The following ATP2A3 variants were observed in gnomAD, a reference collection of about 807,000 sequenced individuals.
ATP2A3 encodes ATPase sarcoplasmic/endoplasmic reticulum Ca2+ transporting 3.
A neutral mutation model predicts 106.8 loss-of-function variants in ATP2A3; 61 were observed. The ratio of observed to expected loss-of-function variants is 0.57; its 90% CI spans 0.46 to 0.71. ATP2A3 has a LOEUF of 0.71. Among genes scored for constraint, ATP2A3 ranks in the 30% least tolerant of loss-of-function variants. The pLI is 0.00. For synonymous variants in ATP2A3, 611 were observed against 609.3 expected (o/e 1.00, Z -0.04); for missense variants, 1,201 against 1,423.5 (o/e 0.84, Z 2.52).
At chr17:3,952,811 C>CA (rs2054527433) in intron 3 of ATP2A3, among the ~76,000 whole-genome samples, 1 of 152,164 alleles carries the variant, frequency 6.6e-6, no homozygotes, top group African/African-American at 2.4e-5. Flanking sequence ...ATGCTGGTCT[C>CA]AAACTCCTGG....
intron 1 of ATP2A3, among the ~76,000 whole-genome samples, chr17:3,957,873 C>A (rs148605867): frequency 2.6e-3 from 390 of 152,348 alleles, no homozygotes; most frequent in Non-Finnish European, 4.4e-3. Context: ...GGGGCAGAGA[C>A]AGGACCAGGA....
rs1026237083 is a variant in ATP2A3 at position 3,926,726 on chromosome 17, C to T, written c.2981-1285G>A. 1.7e-5 allele frequency: 7 copies of T among 403,036 alleles called. No homozygotes were observed. Among genetic ancestry groups the T allele is most frequent in the Non-Finnish European group, 2.3e-5 (7 of 297,902 alleles). 25.0% of individuals were successfully genotyped at this position (403,036 alleles called of 1,614,324 possible). A position where few individuals can be genotyped will look rare whatever the true frequency, so the allele number is the denominator to read the frequency against. On this transcript the variant is annotated intron_variant, in intron 20 of 20. Coordinates refer to ENST00000397041, the MANE Select transcript of ATP2A3 (RefSeq NM_005173.4). This position sits in a 1 kb window ranked among gnomAD's most constrained non-coding sequence, Gnocchi z 4.6. Reference sequence around the variant, plus strand: ...CTGGGATTATAGGCACCTGCCACCACGCCCAGCTAATTTTTGTATCTTTAG... The same window carrying T: ...CTGGGATTATAGGCACCTGCCACCATGCCCAGCTAATTTTTGTATCTTTAG...
chr17:3,951,479 G>A (rs1193744938), intron 4 of ATP2A3, 90 bp from the exon 5 acceptor site: 3 of 1,599,208 alleles, frequency 1.9e-6, no homozygotes, highest in East Asian at 2.3e-5. Context: ...CTGGGATGGA[G>A]GTGGAAGCAG....
Position 3,925,201 on chromosome 17 carries a change from A to T in ATP2A3, c.*221T>A, listed in dbSNP as rs1597549515. 5 of 684,842 alleles carry T rather than the reference A, an allele frequency of 7.3e-6. No individual in the cohort carries two copies. The highest frequency in any genetic ancestry group is 9.9e-6 in the Non-Finnish European group (4 of 402,506). The allele number at this position is 684,842 out of a possible 1,614,324, so 42.4% of individuals were successfully genotyped here. ...AGCAGGGAACTTCCCAGGAGAGTCC[A>T]GGAGACAGGAATTACAGACCTCCCA... On this transcript the variant is annotated 3_prime_UTR_variant, in exon 21 of 21. Coordinates refer to ENST00000397041, the MANE Select transcript of ATP2A3 (RefSeq NM_005173.4). This position sits in a 1 kb window ranked among gnomAD's most constrained non-coding sequence, Gnocchi z 4.2.
chr17:3,951,558 G>GCCCCC, intron 4 of ATP2A3, 23 bp downstream of exon 4: 13 of 716,170 alleles, frequency 1.8e-5, no homozygotes, highest in Non-Finnish European at 2.6e-5. Context: ...CCCCCGCCCG[G>GCCCCC]TCCCACCCCC....
rs201673065 is a variant in ATP2A3, at chr17:3,947,649, G to C, written c.837C>G (p.Phe279Leu). 3.7e-6 allele frequency: 6 copies of C among 1,612,296 alleles called. No homozygotes were observed. Among genetic ancestry groups the C allele is most frequent in the Non-Finnish European group, 5.1e-6 (6 of 1,179,872 alleles). ...AGGAGCCACCGTGGGCCGGGTCGGC[G>C]AAGTGGCCGATGTTGATGACCCACA... ...VAVWVINIGH[F>L]ADPAHGGSWL... The change falls in exon 8 of 21, where the codon TTC becomes TTG. Residue 279 changes from phenylalanine to leucine, a missense_variant. By Grantham distance (22) the Phe-to-Leu change is conservative. Transcript: ENST00000397041. This position sits in a 1 kb window ranked among gnomAD's most constrained non-coding sequence, Gnocchi z 7.7.
chr17:3,958,869 T>TACAC (rs1555566985), intron 1 of ATP2A3, among the ~76,000 whole-genome samples: 6 of 77,444 alleles, frequency 7.7e-5, no homozygotes, highest in Admixed American at 4.0e-4. Flanking sequence ...TATATATATA[T>TACAC]ACACACACAC....
Position 3,936,721 on chromosome 17 carries a change from TACACACACACACACACACAC to T in ATP2A3, c.2322-272_2322-253del, listed in dbSNP as rs57648128. 39 of 408,356 alleles carry T rather than the reference TACACACACACACACACACAC, an allele frequency of 9.6e-5. No homozygotes were observed. The highest frequency in any genetic ancestry group is 1.4e-4 in the Non-Finnish European group (30 of 217,074). 25.3% of individuals were successfully genotyped at this position (408,356 alleles called of 1,614,324 possible). Reference sequence around the variant, plus strand: ...CTCTTTAGGCCTAGCAGAGGCCAAGTACACACACACACACACACACACACACACACACACGCACACGAAGA... The same window carrying T: ...CTCTTTAGGCCTAGCAGAGGCCAAGTACACACACACACACGCACACGAAGA... On this transcript the variant is annotated intron_variant, in intron 15 of 20. Transcript: ENST00000397041. This position sits in a 1 kb window ranked among gnomAD's most constrained non-coding sequence, Gnocchi z 5.4.
Position 3,937,269 on chromosome 17 carries a change from C to A in ATP2A3, c.2321+147G>T, listed in dbSNP as rs929184643. ...GACAAGAGGTGCTCTCCCCTGTCCACTCCAAGGTGGGACCCTGGAAAGCCC... is the reference window on the plus strand; with the variant it reads ...GACAAGAGGTGCTCTCCCCTGTCCAATCCAAGGTGGGACCCTGGAAAGCCC... On this transcript the variant is annotated intron_variant, in intron 15 of 20. Coordinates refer to ENST00000397041, the MANE Select transcript of ATP2A3 (RefSeq NM_005173.4). 12 of 937,644 alleles carry A rather than the reference C, an allele frequency of 1.3e-5. No individual in the cohort carries two copies. In the South Asian group the frequency reaches 1.6e-4, roughly 12 times the overall value. 58.1% of individuals were successfully genotyped at this position (937,644 alleles called of 1,614,324 possible). A position where few individuals can be genotyped will look rare whatever the true frequency, so the allele number is the denominator to read the frequency against.
Position 3,926,687 on chromosome 17 carries a change from A to T in ATP2A3, c.2981-1246T>A, listed in dbSNP as rs534119765. The T allele has an allele frequency of 1.2e-4, 25 of 200,392 alleles. No homozygotes were observed. The highest frequency in any genetic ancestry group is 5.4e-4 in the African/African-American group (23 of 42,272). 12.4% of individuals were successfully genotyped at this position (200,392 alleles called of 1,614,324 possible). A position where few individuals can be genotyped will look rare whatever the true frequency, so the allele number is the denominator to read the frequency against. ...CAGGTTCAAGTGATTCTCCTGCCTCAGCCTCCCGAGTAGCTGGGATTATAG... is the reference window on the plus strand; with the variant it reads ...CAGGTTCAAGTGATTCTCCTGCCTCTGCCTCCCGAGTAGCTGGGATTATAG... On this transcript the variant is annotated intron_variant, in intron 20 of 20. Coordinates refer to ENST00000397041, the MANE Select transcript of ATP2A3 (RefSeq NM_005173.4). This position sits in a 1 kb window ranked among gnomAD's most constrained non-coding sequence, Gnocchi z 4.6.
Position 3,928,150 on chromosome 17 carries a change from C to G in ATP2A3, c.2980+513G>C. 6.2e-7 allele frequency: 1 copy of G among 1,601,166 alleles called. No homozygotes were observed. Among genetic ancestry groups the G allele is most frequent in the Non-Finnish European group, 8.6e-7 (1 of 1,168,536 alleles). ...CCCGACACCTGCCATCCTGTCCTCT[C>G]CACTCCGGGGTTAAGGCAGACCCAG... On this transcript the variant is annotated intron_variant, in intron 20 of 20. Transcript: ENST00000397041. This position sits in a 1 kb window ranked among gnomAD's most constrained non-coding sequence, Gnocchi z 6.1.
chr17:3,946,290 G>A (rs573508837), intron 8 of ATP2A3, among the ~76,000 whole-genome samples: 6 of 151,632 alleles, frequency 4.0e-5, no homozygotes, highest in Admixed American at 1.3e-4. Flanking sequence ...GGTGGCTCAG[G>A]GCTGAAATCC....
chr17:3,937,970 G>A (rs2053545002), intron 14 of ATP2A3, among the ~76,000 whole-genome samples: 1 of 152,182 alleles, frequency 6.6e-6, no homozygotes, highest in Admixed American at 6.6e-5. Flanking sequence ...ACTGAGGTTA[G>A]GGAGAAAGCT....
chr17:3,933,954 T>C (rs2053271499), intron 17 of ATP2A3, among the ~76,000 whole-genome samples: 1 of 151,074 alleles, frequency 6.6e-6, no homozygotes, highest in Admixed American at 6.6e-5. Flanking sequence ...GACTGCGTCT[T>C]GCTCTGTCTC....
intron 3 of ATP2A3, among the ~76,000 whole-genome samples, chr17:3,952,675 A>G (rs2054517835): frequency 6.6e-6 from 1 of 151,932 alleles, no homozygotes; most frequent in East Asian, 1.9e-4. Context: ...CTGCAGCTCC[A>G]TCCTCCTGGG....
Position 3,926,820 on chromosome 17 carries a change from C to T in ATP2A3, c.2981-1379G>A, listed in dbSNP as rs1191287603. The T allele has an allele frequency of 1.9e-5, 19 of 978,956 alleles. No individual in the cohort carries two copies. The highest frequency in any genetic ancestry group is 1.8e-5 in the Non-Finnish European group (15 of 824,158). The allele number at this position is 978,956 out of a possible 1,614,324, so 60.6% of individuals were successfully genotyped here. On this transcript the variant is annotated intron_variant, in intron 20 of 20. Coordinates refer to ENST00000397041, the MANE Select transcript of ATP2A3 (RefSeq NM_005173.4). This position sits in a 1 kb window ranked among gnomAD's most constrained non-coding sequence, Gnocchi z 4.6. ...CCTGACTCAGGTGATCTGCCCACCT[C>T]GGCCTCCCAAAGTGCTGGGATGACA...
At chr17:3,952,050 A>T (rs531260224) in intron 3 of ATP2A3, among the ~76,000 whole-genome samples, 2 of 152,242 alleles carry the variant, frequency 1.3e-5, no homozygotes, top group East Asian at 3.9e-4. Context: ...TGAGTCGTAA[A>T]TTCTGGGGTG....
At chr17:3,951,831 C>A in intron 3 of ATP2A3, 146 bp from the exon 4 acceptor site, 1 of 852,736 alleles carries the variant, frequency 1.2e-6, no homozygotes. Flanking sequence ...GCCACTCCTC[C>A]GAGAAGGCCT....
At chr17:3,927,770 T>G (rs909346282) in intron 20 of ATP2A3, 1 of 975,882 alleles carries the variant, frequency 1.0e-6, no homozygotes, top group Non-Finnish European at 1.2e-6. Context: ...GCCAGCTCCC[T>G]TGCTCAGCCC....
Sources: allele counts gnomAD v4.1 joint callset (sites outside exome capture counted in the v4.1 genomes callset), GRCh38; gene constraint gnomAD v4.1.1; non-coding constraint Gnocchi (gnomAD v3.1); transcripts MANE v1.5; gene names NCBI Gene and HGNC (gene_info 2026-07-23, HGNC 2026-07-21).